Variants in POFUT3 observed in about 807,000 individuals in gnomAD.
The protein encoded by POFUT3 is protein O-fucosyltransferase 3, also known as GDP-fucose protein O-fucosyltransferase 3.
chr8:33,311,747 C>T, the POFUT3 span, among the ~76,000 whole-genome samples: 1 of 152,060 alleles, frequency 6.6e-6, no homozygotes, highest in Admixed American at 6.6e-5. Context: ...AGGCACATTC[C>T]AGGAAAATTC....
the POFUT3 span, among the ~76,000 whole-genome samples, chr8:33,357,865 G>A: frequency 6.6e-6 from 1 of 152,128 alleles, no homozygotes; most frequent in Non-Finnish European, 1.5e-5. Context: ...CATTAGAGAT[G>A]TTCTAATACT....
chr8:33,436,892 T>C, the POFUT3 span, among the ~76,000 whole-genome samples: 11,135 of 152,206 alleles, frequency 0.073, 635 homozygotes, highest in East Asian at 0.2. Flanking sequence ...CCCAACAGCT[T>C]TTCAACCTTT....
chr8:33,453,706 G>A, the POFUT3 span, among the ~76,000 whole-genome samples: 713 of 152,212 alleles, frequency 4.7e-3, 2 homozygotes, highest in Non-Finnish European at 7.2e-3. Context: ...GCGTCGTCAG[G>A]GGGGCAAGGT....
At chr8:33,322,277 G>A in the POFUT3 span, among the ~76,000 whole-genome samples, 9 of 152,196 alleles carry the variant, frequency 5.9e-5, no homozygotes, top group East Asian at 1.7e-3. Context: ...GGCTGGAGGA[G>A]AGATTAACAT....
the POFUT3 span, among the ~76,000 whole-genome samples, chr8:33,445,225 C>T: frequency 3.9e-5 from 6 of 152,156 alleles, no homozygotes; most frequent in African/African-American, 1.2e-4. Flanking sequence ...TGAGCCATTG[C>T]GCCTAGCCAT....
the POFUT3 span, among the ~76,000 whole-genome samples, chr8:33,470,562 T>C: frequency 6.6e-6 from 1 of 152,228 alleles, no homozygotes; most frequent in Non-Finnish European, 1.5e-5. Flanking sequence ...TAATAAGTAT[T>C]AGTAACTATT....
the POFUT3 span, among the ~76,000 whole-genome samples, chr8:33,355,588 G>A: frequency 1.3e-5 from 2 of 152,060 alleles, no homozygotes; most frequent in Non-Finnish European, 1.5e-5. Context: ...CCAATTGTTA[G>A]TTATATAAAC....
At chr8:33,395,694 C>T in the POFUT3 span, among the ~76,000 whole-genome samples, 3 of 152,116 alleles carry the variant, frequency 2.0e-5, no homozygotes, top group East Asian at 1.9e-4. Flanking sequence ...TAGCCATCCA[C>T]GGACGACAAG....
the POFUT3 span, among the ~76,000 whole-genome samples, chr8:33,450,482 A>G: frequency 6.6e-6 from 1 of 152,240 alleles, no homozygotes; most frequent in Non-Finnish European, 1.5e-5. Context: ...GAAAAGGACA[A>G]TCTAGGACAT....
At chr8:33,458,452 C>G in the POFUT3 span, among the ~76,000 whole-genome samples, 26 of 152,230 alleles carry the variant, frequency 1.7e-4, no homozygotes, top group Admixed American at 1.6e-3. Flanking sequence ...TGGTGGCTCA[C>G]GCCTGTAATA....
the POFUT3 span, among the ~76,000 whole-genome samples, chr8:33,443,313 T>A: frequency 6.6e-6 from 1 of 152,164 alleles, no homozygotes; most frequent in Non-Finnish European, 1.5e-5. Flanking sequence ...CACAGAGCTT[T>A]AAAGTGAAAT....
chr8:33,449,800 C>T, the POFUT3 span, among the ~76,000 whole-genome samples: 10 of 152,076 alleles, frequency 6.6e-5, no homozygotes, highest in Non-Finnish European at 1.5e-4. Context: ...TAATTGTTTT[C>T]CTCCATGCCT....
At chr8:33,449,874 C>T in the POFUT3 span, among the ~76,000 whole-genome samples, 1 of 151,634 alleles carries the variant, frequency 6.6e-6, no homozygotes, top group Non-Finnish European at 1.5e-5. Flanking sequence ...CCCCAATATC[C>T]TTCAAGGCCC....
the POFUT3 span, among the ~76,000 whole-genome samples, chr8:33,422,073 C>T: frequency 2.0e-5 from 3 of 151,880 alleles, no homozygotes; most frequent in Non-Finnish European, 4.4e-5. Flanking sequence ...TTTTCCCTCA[C>T]AGTCTTTTCT....
At chr8:33,378,191 T>C in the POFUT3 span, among the ~76,000 whole-genome samples, 7 of 152,174 alleles carry the variant, frequency 4.6e-5, no homozygotes, top group African/African-American at 2.4e-5. Flanking sequence ...ATGATCTTCC[T>C]CTGCTAGGGG....
At chr8:33,434,922 C>T in the POFUT3 span, among the ~76,000 whole-genome samples, 3 of 152,210 alleles carry the variant, frequency 2.0e-5, no homozygotes, top group Non-Finnish European at 4.4e-5. Context: ...TGCACTGGCT[C>T]ACTGGCTAGT....
chr8:33,433,967 T>TA, the POFUT3 span, among the ~76,000 whole-genome samples: 2,126 of 130,876 alleles, frequency 0.016, 21 homozygotes, highest in Middle Eastern at 0.024. Context: ...GACACTGTCA[T>TA]AAAAAAAAAA....
chr8:33,470,278 T>C, the POFUT3 span, among the ~76,000 whole-genome samples: 12 of 143,278 alleles, frequency 8.4e-5, no homozygotes, highest in East Asian at 4.1e-4. Flanking sequence ...TAGCTGGGCA[T>C]GCTGGTGTGC....
At chr8:33,349,870 T>C in the POFUT3 span, among the ~76,000 whole-genome samples, 1 of 152,208 alleles carries the variant, frequency 6.6e-6, no homozygotes, top group Non-Finnish European at 1.5e-5. Context: ...CTGTTTTCCA[T>C]AGTAGTTGTA....
Sources: allele counts gnomAD v4.1 joint callset (sites outside exome capture counted in the v4.1 genomes callset), GRCh38; gene constraint gnomAD v4.1.1; transcripts MANE v1.5; gene names NCBI Gene and HGNC (gene_info 2026-07-23, HGNC 2026-07-21).